The following NOS1AP variants were observed in gnomAD, a reference collection of about 807,000 sequenced individuals.
NOS1AP encodes the protein carboxyl-terminal PDZ ligand of neuronal nitric oxide synthase protein.
NOS1AP carries 21 observed loss-of-function variants against 56.2 expected under a neutral mutation model. That is an observed-to-expected ratio of 0.37 (90% CI 0.26 to 0.54). The LOEUF (loss-of-function observed/expected upper bound fraction) is 0.54. NOS1AP is among the 20% of genes least tolerant of loss of function. The probability of loss-of-function intolerance (pLI) is 0.84; values close to 1 mark genes in which losing one functional copy is unlikely to be tolerated. For synonymous variants in NOS1AP, 270 were observed against 274.6 expected (o/e 0.98, Z 0.17); for missense variants, 522 against 657.8 (o/e 0.79, Z 2.26).
chr1:162,259,414 T>A (rs1166599230), intron 2 of NOS1AP, among the ~76,000 whole-genome samples: 1 of 152,242 alleles, frequency 6.6e-6, no homozygotes, highest in Non-Finnish European at 1.5e-5. Context: ...TCTGATTTTC[T>A]TGAGTCTTTC....
Position 162,238,106 on chromosome 1 carries a change from A to G in NOS1AP, c.178-49238A>G, listed in dbSNP as rs1021959779. ...CCGTGCTGTTGTTTTTAATGAGAGCATCATTTACAGTATGGTGCAGTGCTT... is the reference window on the plus strand; with the variant it reads ...CCGTGCTGTTGTTTTTAATGAGAGCGTCATTTACAGTATGGTGCAGTGCTT... On this transcript the variant is annotated intron_variant, in intron 2 of 9. Transcript: ENST00000361897. Among the ~76,000 whole-genome samples, 14 of 152,116 alleles carry G rather than the reference A, an allele frequency of 9.2e-5. 1 individual carries two copies. Among genetic ancestry groups the G allele is most frequent in the Admixed American group, 8.5e-4 (13 of 15,268 alleles).
intron 1 of NOS1AP, among the ~76,000 whole-genome samples, chr1:162,083,576 A>C (rs1452530073): frequency 6.6e-6 from 1 of 152,120 alleles, no homozygotes; most frequent in East Asian, 1.9e-4. Flanking sequence ...GATTTCTTAA[A>C]TTTGGCAGCC....
At chr1:162,101,223 G>T (rs1423282092) in intron 1 of NOS1AP, among the ~76,000 whole-genome samples, 1 of 152,098 alleles carries the variant, frequency 6.6e-6, no homozygotes, top group Non-Finnish European at 1.5e-5. Context: ...TTTTTGTCAG[G>T]TTTGTTGAAG....
At chr1:162,071,970 G>A (rs533792792) in intron 1 of NOS1AP, among the ~76,000 whole-genome samples, 102 of 152,186 alleles carry the variant, frequency 6.7e-4, no homozygotes, top group Non-Finnish European at 1.1e-3. Context: ...CAAAGTGGGA[G>A]GATCGCCTGA....
intron 2 of NOS1AP, among the ~76,000 whole-genome samples, chr1:162,275,820 C>T (rs570866875): frequency 6.6e-6 from 1 of 152,322 alleles, no homozygotes; most frequent in South Asian, 2.1e-4. Flanking sequence ...CAGTAGACTC[C>T]TTCCTGCACT....
intron 1 of NOS1AP, among the ~76,000 whole-genome samples, chr1:162,137,581 A>G (rs990166769): frequency 2.6e-5 from 4 of 151,974 alleles, no homozygotes; most frequent in Admixed American, 2.6e-4. Flanking sequence ...CTTTTCAGAA[A>G]TCTGTATGTG....
Position 162,181,781 on chromosome 1 carries a change from A to G in NOS1AP, c.177+27305A>G, listed in dbSNP as rs182590621. ...TATTTCATTCATGGCTTCACAAGCC[A>G]TCAGTATCTCAGATGCTCAAAGATT... On this transcript the variant is annotated intron_variant, in intron 2 of 9. Coordinates refer to ENST00000361897, the MANE Select transcript of NOS1AP (RefSeq NM_014697.3). Among the ~76,000 whole-genome samples, 143 of 152,360 alleles carry G rather than the reference A, an allele frequency of 9.4e-4. 1 individual carries two copies. Among genetic ancestry groups the G allele is most frequent in the African/African-American group, 3.3e-3 (137 of 41,584 alleles).
At chr1:162,126,433 C>T (rs1365752319) in intron 1 of NOS1AP, among the ~76,000 whole-genome samples, 1 of 151,984 alleles carries the variant, frequency 6.6e-6, no homozygotes, top group Non-Finnish European at 1.5e-5. Flanking sequence ...ATGCCATATC[C>T]TTCCTAATGC....
At chr1:162,327,159 A>G (rs1301988543) in intron 4 of NOS1AP, among the ~76,000 whole-genome samples, 1 of 152,192 alleles carries the variant, frequency 6.6e-6, no homozygotes, top group East Asian at 1.9e-4. Flanking sequence ...GCAAGGGGAA[A>G]ATCTCAATCC....
At position 162,367,570 on chromosome 1, in the gene NOS1AP, A is replaced by G; in HGVS notation, c.*103A>G. The G allele has an allele frequency of 7.7e-7, 1 of 1,304,506 alleles. No homozygotes were observed. The highest frequency in any genetic ancestry group is 1.0e-6 in the Non-Finnish European group (1 of 966,800). 80.8% of individuals were successfully genotyped at this position (1,304,506 alleles called of 1,614,324 possible). A position where few individuals can be genotyped will look rare whatever the true frequency, so the allele number is the denominator to read the frequency against. On this transcript the variant is annotated 3_prime_UTR_variant, in exon 10 of 10. Coordinates refer to ENST00000361897, the MANE Select transcript of NOS1AP (RefSeq NM_014697.3). The surrounding 1 kb of genome is among the most constrained non-coding windows in gnomAD (Gnocchi z 6.5). ...CAGTGAATGTGCACTGCCGAGGAGA[A>G]TGCCAGCCAGGGCCCGGGAGAGTGT...
intron 6 of NOS1AP, among the ~76,000 whole-genome samples, chr1:162,349,643 G>T (rs145152282): frequency 6.6e-6 from 1 of 152,200 alleles, no homozygotes; most frequent in African/African-American, 2.4e-5. Context: ...TATGCTCTCC[G>T]TAAGTACCCA....
At chr1:162,239,278 A>G (rs904225227) in intron 2 of NOS1AP, among the ~76,000 whole-genome samples, 1 of 152,180 alleles carries the variant, frequency 6.6e-6, no homozygotes, top group Non-Finnish European at 1.5e-5. Context: ...CATCTAAGGA[A>G]CGTGTCTAGG....
intron 2 of NOS1AP, among the ~76,000 whole-genome samples, chr1:162,155,314 A>G (rs1395533164): frequency 6.8e-6 from 1 of 146,346 alleles, no homozygotes; most frequent in Non-Finnish European, 1.5e-5. Context: ...GTATGTGTAT[A>G]TATATATGTA....
At chr1:162,121,210 G>A (rs924328690) in intron 1 of NOS1AP, among the ~76,000 whole-genome samples, 9 of 146,516 alleles carry the variant, frequency 6.1e-5, no homozygotes, top group East Asian at 2.0e-4. Flanking sequence ...TCGCTCTGTC[G>A]CCCAGGATCA....
At chr1:162,295,912 G>GT (rs1655441060) in intron 3 of NOS1AP, among the ~76,000 whole-genome samples, 1 of 152,148 alleles carries the variant, frequency 6.6e-6, no homozygotes, top group African/African-American at 2.4e-5. Context: ...TTTGAAAGAG[G>GT]TGCGGTGGGG....
At chr1:162,296,297 A>G (rs1655460003) in intron 3 of NOS1AP, among the ~76,000 whole-genome samples, 1 of 152,150 alleles carries the variant, frequency 6.6e-6, no homozygotes, top group African/African-American at 2.4e-5. Flanking sequence ...AAAACAAAAA[A>G]AGCTCCAACA....
At chr1:162,259,008 A>G (rs1004550887) in intron 2 of NOS1AP, among the ~76,000 whole-genome samples, 2 of 152,088 alleles carry the variant, frequency 1.3e-5, no homozygotes, top group Non-Finnish European at 1.5e-5. Flanking sequence ...ACCTCATCAT[A>G]TGATTCAGTA....
At position 162,237,825 on chromosome 1, in the gene NOS1AP, A is replaced by G. The variant is rs145519923; in HGVS notation, c.178-49519A>G. Among the ~76,000 whole-genome samples the G allele has an allele frequency of 3.1e-3, 468 of 151,906 alleles. 13 individuals carry two copies. Among genetic ancestry groups the G allele is most frequent in the Admixed American group, 0.027 (405 of 15,248 alleles). ...TCGTGTGCTCTACAAATAAAAAGCT[A>G]CTTTTGTTGTTACTTTTGGTCCCCA... is the stretch of plus-strand genomic sequence containing the variant. On this transcript the variant is annotated intron_variant, in intron 2 of 9. Coordinates refer to ENST00000361897, the MANE Select transcript of NOS1AP (RefSeq NM_014697.3).
chr1:162,179,535 T>G (rs1651178149), intron 2 of NOS1AP, among the ~76,000 whole-genome samples: 1 of 152,210 alleles, frequency 6.6e-6, no homozygotes, highest in Non-Finnish European at 1.5e-5. Flanking sequence ...AAGACGGACC[T>G]GGAAACCAGC....
Sources: gnomAD v4.1 joint callset for allele counts (sites outside exome capture counted in the v4.1 genomes callset) on GRCh38, gnomAD v4.1.1 for gene constraint, Gnocchi (gnomAD v3.1) non-coding constraint, MANE v1.5 for transcripts, NCBI Gene and HGNC (gene_info 2026-07-23, HGNC 2026-07-21) for gene names.